The following FARP1 variants were observed in gnomAD, a reference collection of about 807,000 sequenced individuals.
FARP1 encodes FERM, ARH/RhoGEF and pleckstrin domain protein 1, also known as FERM, ARHGEF and pleckstrin domain-containing protein 1.
Under a neutral mutation model 128.8 loss-of-function variants are expected in FARP1, and 52 were observed. That is an observed-to-expected ratio of 0.40 (90% confidence interval 0.32 to 0.51). The LOEUF (loss-of-function observed/expected upper bound fraction) is 0.51. Among genes scored for constraint, FARP1 ranks in the 20% least tolerant of loss-of-function variants. FARP1 has a pLI of 0.45. For synonymous variants in FARP1, 580 were observed against 551.8 expected (o/e 1.05, Z -0.72); for missense variants, 1,333 against 1,367.9 (o/e 0.97, Z 0.40).
At position 98,381,917 on chromosome 13, in the gene FARP1, C is replaced by T. The variant is rs377314576; in HGVS notation, c.497-2813C>T. 5.3e-5 allele frequency among the ~76,000 whole-genome samples: 8 copies of T among 152,158 alleles called. No homozygotes were observed. In the East Asian group the frequency reaches 7.7e-4, roughly 15 times the overall value. On this transcript the variant is annotated intron_variant, in intron 6 of 26. Transcript: ENST00000319562. ...TCTGTAATCCCAGCGCTTTGGGAGA[C>T]CCAGGCAGGAGGATCTCTGGAGGCC...
rs189935034 is a variant in FARP1, at chr13:98,148,774, T to G, written c.-24+5282T>G. 2.2e-3 allele frequency among the ~76,000 whole-genome samples: 331 copies of G among 152,350 alleles called. 4 individuals are homozygous for G. Among genetic ancestry groups the G allele is most frequent in the African/African-American group, 6.6e-3 (276 of 41,584 alleles). On this transcript the variant is annotated intron_variant, in intron 1 of 26. Transcript: ENST00000319562. ...TTAATCAGCTGTGTTCTGGTCCCAT[T>G]GCTGTTGCTGTCTAATTATTTGTAA...
intron 12 of FARP1, among the ~76,000 whole-genome samples, chr13:98,394,143 C>T (rs1363124250): frequency 2.6e-5 from 4 of 152,102 alleles, no homozygotes; most frequent in African/African-American, 7.2e-5. Flanking sequence ...AACTGGTCGG[C>T]GAGTTCCCAG....
intron 1 of FARP1, among the ~76,000 whole-genome samples, chr13:98,177,478 C>T (rs1392350866): frequency 9.8e-6 from 1 of 102,088 alleles, no homozygotes; most frequent in African/African-American, 2.5e-5. Context: ...GAAACTCCAT[C>T]CTTACTAAAA....
intron 2 of FARP1, among the ~76,000 whole-genome samples, chr13:98,310,000 C>G (rs7329103): frequency 0.1 from 15,543 of 151,832 alleles, 1,413 homozygotes; most frequent in African/African-American, 0.25. Context: ...GCGTTGATGT[C>G]TGGTTTTTAC....
intron 16 of FARP1, among the ~76,000 whole-genome samples, chr13:98,422,795 C>G (rs1891641219): frequency 1.3e-5 from 2 of 152,128 alleles, no homozygotes; most frequent in Non-Finnish European, 2.9e-5. Flanking sequence ...CAGGAAGGCT[C>G]TGAGTGTCCC....
intron 2 of FARP1, among the ~76,000 whole-genome samples, chr13:98,270,146 G>A (rs954689303): frequency 6.6e-6 from 1 of 152,144 alleles, no homozygotes; most frequent in African/African-American, 2.4e-5. Context: ...TGTTTATCTT[G>A]AATACCAAGA....
At chr13:98,309,323 C>T (rs535742402) in intron 2 of FARP1, among the ~76,000 whole-genome samples, 26 of 142,266 alleles carry the variant, frequency 1.8e-4, no homozygotes, top group East Asian at 9.3e-4. Context: ...CCCACCATCA[C>T]GCCCGGCTAT....
intron 2 of FARP1, among the ~76,000 whole-genome samples, chr13:98,249,980 A>C (rs1883245577): frequency 6.6e-6 from 1 of 152,162 alleles, no homozygotes; most frequent in African/African-American, 2.4e-5. Context: ...TGAAAACCTA[A>C]TTTTTAAGTT....
chr13:98,292,538 T>G (rs1885496335), intron 2 of FARP1, among the ~76,000 whole-genome samples: 3 of 152,230 alleles, frequency 2.0e-5, no homozygotes, highest in African/African-American at 4.8e-5. Flanking sequence ...AAATTTAAAT[T>G]AAATAAAATT....
chr13:98,144,432 T>G lies in FARP1; in HGVS notation c.-24+940T>G, dbSNP rs1226976996. Among the ~76,000 whole-genome samples, 3 of 152,184 alleles carry G rather than the reference T, an allele frequency of 2.0e-5. No homozygotes were observed. In the East Asian group the frequency reaches 5.8e-4, roughly 29 times the overall value. On this transcript the variant is annotated intron_variant, in intron 1 of 26. Coordinates refer to ENST00000319562, the MANE Select transcript of FARP1 (RefSeq NM_005766.4). Reference sequence around the variant, plus strand: ...TGTCATCTGGAACAGTTTAGCAGCCTCGGCCTCCCTGTCTCTCCCAGCCCT... The same window carrying G: ...TGTCATCTGGAACAGTTTAGCAGCCGCGGCCTCCCTGTCTCTCCCAGCCCT...
At chr13:98,411,814 A>G (rs1891203189) in intron 15 of FARP1, 87 bp from the exon 16 acceptor site, 1 of 1,449,604 alleles carries the variant, frequency 6.9e-7, no homozygotes, top group Non-Finnish European at 9.5e-7. Context: ...CTCCCAGTGC[A>G]TTTGGCTGCA....
At chr13:98,263,857 C>T (rs1438862732) in intron 2 of FARP1, among the ~76,000 whole-genome samples, 1 of 152,006 alleles carries the variant, frequency 6.6e-6, no homozygotes, top group East Asian at 1.9e-4. Flanking sequence ...ATTTTTAGTG[C>T]TCCCCCCCCA....
intron 16 of FARP1, among the ~76,000 whole-genome samples, chr13:98,414,362 G>A (rs4001099): frequency 6.6e-6 from 1 of 151,942 alleles, no homozygotes; most frequent in South Asian, 2.1e-4. Flanking sequence ...CCAAATACAC[G>A]ACACTGGTCA....
At chr13:98,268,251 A>G (rs1483136948) in intron 2 of FARP1, among the ~76,000 whole-genome samples, 2 of 152,204 alleles carry the variant, frequency 1.3e-5, no homozygotes, top group African/African-American at 2.4e-5. Context: ...CCACAGCAGC[A>G]GAGTCAAGAC....
At chr13:98,164,851 G>C (rs1244158317) in intron 1 of FARP1, among the ~76,000 whole-genome samples, 1 of 152,064 alleles carries the variant, frequency 6.6e-6, no homozygotes, top group Non-Finnish European at 1.5e-5. Flanking sequence ...AGGCCGAGGC[G>C]GGTGGATCAC....
chr13:98,232,820 T>C (rs948225862), intron 2 of FARP1, among the ~76,000 whole-genome samples: 9 of 152,242 alleles, frequency 5.9e-5, no homozygotes, highest in African/African-American at 2.2e-4. Context: ...AACTTCATAT[T>C]GAGTGAATGA....
intron 2 of FARP1, among the ~76,000 whole-genome samples, chr13:98,342,146 G>A (rs550738359): frequency 3.3e-5 from 5 of 152,290 alleles, no homozygotes; most frequent in Middle Eastern, 6.8e-3. Context: ...ATACTGCACA[G>A]AGTGCTACAG....
chr13:98,144,496 T>C (rs1875363716), intron 1 of FARP1, among the ~76,000 whole-genome samples: 1 of 152,170 alleles, frequency 6.6e-6, no homozygotes, highest in Non-Finnish European at 1.5e-5. Flanking sequence ...CATTATATTG[T>C]TGTTAAGGCT....
chr13:98,422,268 T>C lies in FARP1; in HGVS notation c.1827-2304T>C, dbSNP rs77607975. Among the ~76,000 whole-genome samples, 620 of 151,680 alleles carry C rather than the reference T, an allele frequency of 4.1e-3. 5 individuals are homozygous for C. Among genetic ancestry groups the C allele is most frequent in the African/African-American group, 0.014 (597 of 41,442 alleles). ...CCGACCAGCCCGGAGAGCCCGAATA[T>C]AGGAGGAGGGGAGGTGGGCTCTGGT... On this transcript the variant is annotated intron_variant, in intron 16 of 26. Coordinates refer to ENST00000319562, the MANE Select transcript of FARP1 (RefSeq NM_005766.4).
Sources: allele counts gnomAD v4.1 joint callset (sites outside exome capture counted in the v4.1 genomes callset), GRCh38; gene constraint gnomAD v4.1.1; transcripts MANE v1.5; gene names NCBI Gene and HGNC (gene_info 2026-07-23, HGNC 2026-07-21).